The following PLCG2 variants were observed in gnomAD, a reference collection of about 807,000 sequenced individuals.
PLCG2 encodes 1-phosphatidylinositol 4,5-bisphosphate phosphodiesterase gamma-2.
A neutral mutation model predicts 175.6 loss-of-function variants in PLCG2; 69 were observed. That is an observed-to-expected ratio of 0.39 (90% CI 0.32 to 0.48). PLCG2 has a LOEUF of 0.48. Ranked by LOEUF, PLCG2 falls within the 20% of genes least tolerant of loss-of-function variation. The pLI, the probability that PLCG2 is intolerant of heterozygous loss-of-function variation, is 0.91. For missense variants in PLCG2, 1,798 were observed against 1,650.9 expected (o/e 1.09, Z -1.54); for synonymous variants, 827 against 624.0 (o/e 1.33, Z -4.85).
intron 32 of PLCG2, among the ~76,000 whole-genome samples, chr16:81,957,217 T>G (rs1211383512): frequency 6.6e-6 from 1 of 152,172 alleles, no homozygotes; most frequent in Non-Finnish European, 1.5e-5. Context: ...GAGAATCATT[T>G]CAACCTGGGA....
intron 25 of PLCG2, among the ~76,000 whole-genome samples, chr16:81,932,360 C>T (rs1910537481): frequency 6.6e-6 from 1 of 152,200 alleles, no homozygotes; most frequent in Admixed American, 6.5e-5. Context: ...TAATCACTGC[C>T]TTATCATTAT....
chr16:81,881,664 A>G (rs4889423), intron 8 of PLCG2, among the ~76,000 whole-genome samples: 46,173 of 152,122 alleles, frequency 0.3, 7,163 homozygotes, highest in South Asian at 0.35. Context: ...TGTATATTCG[A>G]GACGGAGCCT....
chr16:81,864,455 G>A (rs779346112), intron 5 of PLCG2, among the ~76,000 whole-genome samples: 5 of 152,214 alleles, frequency 3.3e-5, no homozygotes, highest in African/African-American at 9.6e-5. Flanking sequence ...CTCCATCATT[G>A]TTGAAAGTTC....
intron 2 of PLCG2, among the ~76,000 whole-genome samples, chr16:81,797,000 T>A (rs190777263): frequency 1.5e-4 from 23 of 152,344 alleles, no homozygotes; most frequent in Admixed American, 1.2e-3. Context: ...ATGGATGGGT[T>A]GTGGTTTGTC....
intron 1 of PLCG2, among the ~76,000 whole-genome samples, chr16:81,780,410 T>C (rs1910676904): frequency 6.6e-6 from 1 of 152,272 alleles, no homozygotes; most frequent in African/African-American, 2.4e-5. Flanking sequence ...GACTCTCTGG[T>C]TCAAGGGCAT....
chr16:81,809,202 G>A lies in PLCG2; in HGVS notation c.193+23020G>A, dbSNP rs532827349. Among the ~76,000 whole-genome samples the A allele has an allele frequency of 5.3e-5, 8 of 152,210 alleles. No individual in the cohort carries two copies. In the South Asian group the frequency reaches 1.7e-3, roughly 32 times the overall value. On this transcript the variant is annotated intron_variant, in intron 2 of 32. Transcript: ENST00000564138. Reference sequence around the variant, plus strand: ...CCTTATCCCCTCAGCACACACCTCTGCACACCACAAGCCACTTGCTGGAAA... The same window carrying A: ...CCTTATCCCCTCAGCACACACCTCTACACACCACAAGCCACTTGCTGGAAA...
At chr16:81,903,087 C>G (rs140532745) in intron 14 of PLCG2, among the ~76,000 whole-genome samples, 1 of 152,274 alleles carries the variant, frequency 6.6e-6, no homozygotes, top group East Asian at 1.9e-4. Flanking sequence ...GCTACCATCT[C>G]CAAATACCAT....
At chr16:81,897,174 A>G (rs1472751492) in intron 13 of PLCG2, among the ~76,000 whole-genome samples, 1 of 152,274 alleles carries the variant, frequency 6.6e-6, no homozygotes, top group African/African-American at 2.4e-5. Flanking sequence ...AGAGGCCATC[A>G]TATGCCGACT....
At chr16:81,861,789 G>C (rs933349913) in intron 5 of PLCG2, among the ~76,000 whole-genome samples, 1 of 152,212 alleles carries the variant, frequency 6.6e-6, no homozygotes, top group South Asian at 2.1e-4. Context: ...GGCCAATCTG[G>C]CTCTGAAGTC....
intron 2 of PLCG2, among the ~76,000 whole-genome samples, chr16:81,812,923 A>G (rs1349323325): frequency 6.6e-6 from 1 of 152,150 alleles, no homozygotes; most frequent in Non-Finnish European, 1.5e-5. Context: ...ACCATTTATT[A>G]AGTAGGGAAT....
chr16:81,911,135 G>A (rs542251735), intron 18 of PLCG2, among the ~76,000 whole-genome samples: 5 of 152,202 alleles, frequency 3.3e-5, no homozygotes, highest in Non-Finnish European at 1.5e-5. Context: ...TAGGTCTTGC[G>A]AAGGGTCAAC....
chr16:81,926,558 C>G (rs754015594), intron 22 of PLCG2, among the ~76,000 whole-genome samples: 4 of 152,166 alleles, frequency 2.6e-5, no homozygotes, highest in Admixed American at 2.0e-4. Context: ...TTACTGTGTA[C>G]TAGGTAGGCG....
intron 2 of PLCG2, among the ~76,000 whole-genome samples, chr16:81,762,877 G>A (rs1910069816): frequency 6.6e-6 from 1 of 152,088 alleles, no homozygotes; most frequent in Non-Finnish European, 1.5e-5. Flanking sequence ...CAGCAACATA[G>A]TGAAACCTCA....
chr16:81,822,939 G>C (rs370736749), intron 2 of PLCG2, among the ~76,000 whole-genome samples: 1 of 152,260 alleles, frequency 6.6e-6, no homozygotes, highest in East Asian at 1.9e-4. Context: ...GTTTTCCCTC[G>C]GAGCCTCCAG....
chr16:81,931,265 C>T (rs1387280800), intron 24 of PLCG2: 2 of 398,664 alleles, frequency 5.0e-6, no homozygotes, highest in Non-Finnish European at 9.0e-6. Context: ...TTCACAGGTA[C>T]TGGTGACCTG....
chr16:81,812,348 C>A (rs1288518695), intron 2 of PLCG2, among the ~76,000 whole-genome samples: 1 of 152,176 alleles, frequency 6.6e-6, no homozygotes, highest in Non-Finnish European at 1.5e-5. Context: ...CGCACCCGGC[C>A]TGTTGTTTAC....
At position 81,860,172 on chromosome 16, in the gene PLCG2, A is replaced by ATTATTATTATTAT. The variant is rs763047744; in HGVS notation, c.479+1011_479+1012insATTATTATTATTT. On this transcript the variant is annotated intron_variant, in intron 5 of 32. Coordinates refer to ENST00000564138, the MANE Select transcript of PLCG2 (RefSeq NM_002661.5). The stretch of plus-strand genomic sequence containing the variant: ...TATTATTATTATTATTATTATTATT[A>ATTATTATTATTAT]TTTTTTTTTTTTTTTGTAAAGGTGA... Among the ~76,000 whole-genome samples the ATTATTATTATTAT allele has an allele frequency of 7.6e-3, 916 of 120,580 alleles. 1 individual carries two copies. Among genetic ancestry groups the ATTATTATTATTAT allele is most frequent in the Middle Eastern group, 0.018 (4 of 228 alleles). 79.1% of individuals were successfully genotyped at this position (120,580 alleles called of 152,430 possible). A position where few individuals can be genotyped will look rare whatever the true frequency, so the allele number is the denominator to read the frequency against.
chr16:81,850,317 G>T (rs1040787789), intron 2 of PLCG2, among the ~76,000 whole-genome samples: 2 of 152,196 alleles, frequency 1.3e-5, no homozygotes, highest in East Asian at 3.8e-4. Context: ...ACATCATGAA[G>T]TCTGTAAAAG....
In PLCG2 at chr16:81,870,842, A is replaced by G. The variant is rs62046684; in HGVS notation, c.565-10A>G. The G allele has an allele frequency of 0.038, 57,835 of 1,522,626 alleles. 1,295 individuals are homozygous for G. The highest frequency in any genetic ancestry group is 0.045 in the Non-Finnish European group (49,595 of 1,111,182). The allele number at this position is 1,522,626 out of a possible 1,614,324, so 94.3% of individuals were successfully genotyped here. On this transcript the variant is annotated splice_polypyrimidine_tract_variant and intron_variant, in intron 6 of 32. Transcript: ENST00000564138. ...CAAAAATCATGTGGTCACTTTTTTC[A>G]TATTTACAGGAAATAGGAGCACACA...
Sources: allele counts gnomAD v4.1 joint callset (sites outside exome capture counted in the v4.1 genomes callset), GRCh38; gene constraint gnomAD v4.1.1; transcripts MANE v1.5; gene names NCBI Gene and HGNC (gene_info 2026-07-23, HGNC 2026-07-21).